The following AP3B1 variants were observed in gnomAD, a reference collection of about 807,000 sequenced individuals.
AP3B1 encodes adaptor related protein complex 3 subunit beta 1.
Under a neutral mutation model 132.5 loss-of-function variants are expected in AP3B1, and 61 were observed. The observed-to-expected ratio is 0.46, with a 90% confidence interval of 0.37 to 0.57. AP3B1 has a LOEUF of 0.57. AP3B1 is among the 20% of genes least tolerant of loss of function. The pLI is 0.00. For synonymous variants in AP3B1, 388 were observed against 438.3 expected, an observed-to-expected ratio of 0.89 and a Z score of 1.43; for missense variants, 1,120 against 1,289.4, an observed-to-expected ratio of 0.87 and a Z score of 2.01.
chr5:78,165,804 C>G lies in AP3B1; in HGVS notation c.1168-132G>C, dbSNP rs188577694. ...ACATTGTCAGCCGGGCACAGTGGCT[C>G]ATGCCTGTAATCCCAGCACTTTGGG... On this transcript the variant is annotated intron_variant, in intron 11 of 26. Coordinates refer to ENST00000255194, the MANE Select transcript of AP3B1 (RefSeq NM_003664.5). 6.9e-4 allele frequency: 510 copies of G among 739,348 alleles called. 1 individual carries two copies. The African/African-American group carries it at 8.5e-3, about 12-fold the overall frequency. The allele number at this position is 739,348 out of a possible 1,614,324, so 45.8% of individuals were successfully genotyped here.
chr5:78,194,384 T>C (rs1161344058), intron 7 of AP3B1, among the ~76,000 whole-genome samples: 1 of 152,198 alleles, frequency 6.6e-6, no homozygotes, highest in Non-Finnish European at 1.5e-5. Flanking sequence ...AAATCAATTA[T>C]TATACATGTT....
intron 22 of AP3B1, among the ~76,000 whole-genome samples, chr5:78,040,146 T>C (rs981515262): frequency 5.9e-5 from 9 of 152,178 alleles, no homozygotes; most frequent in African/African-American, 1.7e-4. Context: ...TAATGATCTC[T>C]ACTTTGAGAT....
intron 26 of AP3B1, among the ~76,000 whole-genome samples, chr5:78,009,241 G>C (rs980223485): frequency 1.3e-4 from 19 of 149,168 alleles, no homozygotes; most frequent in Non-Finnish European, 1.9e-4. Flanking sequence ...GACTGCTTGA[G>C]CCCAGGAGTT....
At chr5:78,070,586 T>C (rs1338492657) in intron 22 of AP3B1, among the ~76,000 whole-genome samples, 1 of 151,996 alleles carries the variant, frequency 6.6e-6, no homozygotes, top group Non-Finnish European at 1.5e-5. Context: ...AAAGAGCTTC[T>C]GCACAGCAAA....
chr5:78,108,502 T>A lies in AP3B1; in HGVS notation c.2397+1705A>T, dbSNP rs372472004. On this transcript the variant is annotated intron_variant, in intron 20 of 26. Transcript: ENST00000255194. ...AAACTCCACAGTCCTGTATGCCTAT[T>A]ATAGATGGGAAAAGGCATTCTAATA... Among the ~76,000 whole-genome samples the A allele has an allele frequency of 7.9e-5, 12 of 152,288 alleles. 1 individual carries two copies. The South Asian group carries it at 1.9e-3, about 24-fold the overall frequency.
At chr5:78,116,871 T>G (rs1309053856) in intron 17 of AP3B1, among the ~76,000 whole-genome samples, 1 of 152,042 alleles carries the variant, frequency 6.6e-6, no homozygotes, top group African/African-American at 2.4e-5. Flanking sequence ...CTAGAATGAT[T>G]ATATTAAAAC....
intron 14 of AP3B1, among the ~76,000 whole-genome samples, chr5:78,149,621 C>T (rs1041562040): frequency 6.6e-6 from 1 of 152,140 alleles, no homozygotes; most frequent in Non-Finnish European, 1.5e-5. Context: ...ATTCATTCCA[C>T]CCAACAGAGC....
intron 23 of AP3B1, among the ~76,000 whole-genome samples, chr5:78,037,021 C>T (rs1363341128): frequency 6.6e-6 from 1 of 152,054 alleles, no homozygotes; most frequent in Non-Finnish European, 1.5e-5. Context: ...ATGAATGAAA[C>T]ATACAGTCAC....
intron 6 of AP3B1, among the ~76,000 whole-genome samples, chr5:78,219,368 CTT>C (rs1386157432): frequency 6.6e-6 from 1 of 151,856 alleles, no homozygotes; most frequent in Non-Finnish European, 1.5e-5. Flanking sequence ...ACAAGAGAAA[CTT>C]ATTAATTTTA....
intron 2 of AP3B1, among the ~76,000 whole-genome samples, chr5:78,244,735 G>A (rs1020954819): frequency 1.3e-5 from 2 of 152,114 alleles, no homozygotes; most frequent in Non-Finnish European, 2.9e-5. Flanking sequence ...GGTGGCTCAC[G>A]CCTGTCATCC....
At chr5:78,279,919 T>TAC (rs1740713318) in intron 1 of AP3B1, among the ~76,000 whole-genome samples, 1 of 142,706 alleles carries the variant, frequency 7.0e-6, no homozygotes, top group South Asian at 2.2e-4. Context: ...TATATATATA[T>TAC]ATATATATAT....
intron 23 of AP3B1, among the ~76,000 whole-genome samples, chr5:78,038,418 A>G (rs890515104): frequency 6.6e-6 from 1 of 152,198 alleles, no homozygotes; most frequent in Non-Finnish European, 1.5e-5. Flanking sequence ...TGGGCCACAC[A>G]TAAAATACAC....
At chr5:78,030,014 C>T (rs1747506702) in intron 24 of AP3B1, among the ~76,000 whole-genome samples, 1 of 151,990 alleles carries the variant, frequency 6.6e-6, no homozygotes, top group Admixed American at 6.6e-5. Flanking sequence ...ATTTTGGTTC[C>T]AATTTATTGT....
chr5:78,131,159 C>T (rs1222093495), intron 15 of AP3B1, among the ~76,000 whole-genome samples: 1 of 151,506 alleles, frequency 6.6e-6, no homozygotes, highest in Non-Finnish European at 1.5e-5. Context: ...TAGTTATTCA[C>T]CACACATTTA....
At chr5:78,239,329 G>A (rs548856271) in intron 3 of AP3B1, among the ~76,000 whole-genome samples, 4 of 151,160 alleles carry the variant, frequency 2.6e-5, no homozygotes, top group Non-Finnish European at 4.4e-5. Flanking sequence ...AAATTAGCTG[G>A]ACATGGTGGC....
In AP3B1 at chr5:78,211,342, T is replaced by C. The variant is rs142306843; in HGVS notation, c.786+4713A>G. 5.6e-4 allele frequency among the ~76,000 whole-genome samples: 85 copies of C among 152,312 alleles called. 1 individual carries two copies. In the East Asian group the frequency reaches 0.015, roughly 28 times the overall value. On this transcript the variant is annotated intron_variant, in intron 7 of 26. Transcript: ENST00000255194. ...TATGGAAAATGCACTGCAATTGATA[T>C]GACTGCAATCTACTTTGTCAACACT... is the stretch of plus-strand genomic sequence containing the variant.
chr5:78,271,179 T>C (rs187397507), intron 1 of AP3B1, among the ~76,000 whole-genome samples: 184 of 152,262 alleles, frequency 1.2e-3, no homozygotes, highest in African/African-American at 4.0e-3. Flanking sequence ...CCCAGCACTT[T>C]GGGAGGCTGA....
chr5:78,007,402 A>G (rs971065088), intron 26 of AP3B1, among the ~76,000 whole-genome samples: 1 of 151,688 alleles, frequency 6.6e-6, no homozygotes, highest in South Asian at 2.1e-4. Context: ...ACTGGTTACC[A>G]GAAGCTGTGA....
intron 25 of AP3B1, among the ~76,000 whole-genome samples, chr5:78,019,873 G>A (rs1212325970): frequency 6.6e-6 from 1 of 151,984 alleles, no homozygotes; most frequent in East Asian, 1.9e-4. Flanking sequence ...ACCTCAAAAT[G>A]AAGGGATCTT....
Sources: allele counts gnomAD v4.1 joint callset (sites outside exome capture counted in the v4.1 genomes callset), GRCh38; gene constraint gnomAD v4.1.1; transcripts MANE v1.5; gene names NCBI Gene and HGNC (gene_info 2026-07-23, HGNC 2026-07-21).